Variants in GALNTL6 observed in about 807,000 individuals in gnomAD.
GALNTL6 encodes polypeptide N-acetylgalactosaminyltransferase-like 6.
In GALNTL6, 46 loss-of-function variants were observed where a neutral mutation model predicts 73.7. The ratio of observed to expected loss-of-function variants is 0.62; its 90% CI spans 0.49 to 0.80. The LOEUF (loss-of-function observed/expected upper bound fraction) is 0.80. GALNTL6 is among the 30% of genes least tolerant of loss of function. GALNTL6 has a pLI of 0.00. For synonymous variants in GALNTL6, 259 were observed against 263.7 expected (o/e 0.98, Z 0.17); for missense variants, 604 against 755.0 (o/e 0.80, Z 2.34).
intron 5 of GALNTL6, among the ~76,000 whole-genome samples, chr4:172,769,948 C>A (rs1052918113): frequency 6.6e-6 from 1 of 152,032 alleles, no homozygotes; most frequent in African/African-American, 2.4e-5. Flanking sequence ...AATGTATGCT[C>A]ATAAGATTAT....
chr4:171,952,539 A>AT (rs777685628), intron 2 of GALNTL6, among the ~76,000 whole-genome samples: 1 of 152,062 alleles, frequency 6.6e-6, no homozygotes, highest in African/African-American at 2.4e-5. Context: ...ATCAAGTTCA[A>AT]TTTTTTAGGG....
chr4:172,907,582 T>C (rs779694299), intron 8 of GALNTL6, among the ~76,000 whole-genome samples: 1 of 152,218 alleles, frequency 6.6e-6, no homozygotes, highest in Non-Finnish European at 1.5e-5. Flanking sequence ...ATCCCCCTTA[T>C]CCATGTGGAT....
intron 3 of GALNTL6, among the ~76,000 whole-genome samples, chr4:172,299,340 T>C (rs1348839297): frequency 6.6e-6 from 1 of 152,266 alleles, no homozygotes; most frequent in Non-Finnish European, 1.5e-5. Context: ...ATTGACTTTT[T>C]GAAGGGTTTT....
rs138706641 is a variant in GALNTL6 at position 172,827,813 on chromosome 4, A to C, written c.923+14090A>C. The stretch of plus-strand genomic sequence containing the variant: ...CCAAATGCAACAAGAAAAATAAAGA[A>C]GAAAAATTTTATCAATAATACTTTC... On this transcript the variant is annotated intron_variant, in intron 7 of 12. Coordinates refer to ENST00000506823, the MANE Select transcript of GALNTL6 (RefSeq NM_001034845.3). Among the ~76,000 whole-genome samples the C allele has an allele frequency of 1.4e-4, 21 of 152,320 alleles. No individual in the cohort carries two copies. In the East Asian group the frequency reaches 3.9e-3, roughly 28 times the overall value.
intron 5 of GALNTL6, among the ~76,000 whole-genome samples, chr4:172,638,152 A>G (rs556359546): frequency 2.4e-4 from 37 of 152,228 alleles, no homozygotes; most frequent in Non-Finnish European, 3.1e-4. Flanking sequence ...CATGCACACA[A>G]ATCACATCAC....
chr4:172,563,517 C>G (rs1736452479), intron 5 of GALNTL6, among the ~76,000 whole-genome samples: 1 of 152,298 alleles, frequency 6.6e-6, no homozygotes. Flanking sequence ...TCTATAAAAT[C>G]TTTAAGATTT....
At chr4:172,419,920 AT>A (rs1730994346) in intron 5 of GALNTL6, among the ~76,000 whole-genome samples, 1 of 152,194 alleles carries the variant, frequency 6.6e-6, no homozygotes, top group Non-Finnish European at 1.5e-5. Flanking sequence ...AAGTTTCAGA[AT>A]TTCTTCAAAT....
intron 2 of GALNTL6, among the ~76,000 whole-genome samples, chr4:171,873,532 G>A (rs977989200): frequency 6.6e-6 from 1 of 152,150 alleles, no homozygotes; most frequent in Non-Finnish European, 1.5e-5. Flanking sequence ...TAGTGTGGAA[G>A]GCAAGGGTGT....
At chr4:172,007,318 G>C (rs1296985058) in intron 2 of GALNTL6, among the ~76,000 whole-genome samples, 3 of 151,996 alleles carry the variant, frequency 2.0e-5, no homozygotes, top group African/African-American at 2.4e-5. Context: ...GCTATTAAAA[G>C]CTATGTATGA....
intron 7 of GALNTL6, among the ~76,000 whole-genome samples, chr4:172,864,696 G>C (rs1744573750): frequency 6.6e-6 from 1 of 152,136 alleles, no homozygotes; most frequent in Admixed American, 6.5e-5. Context: ...AAGAAACTTA[G>C]TTTAATCTAT....
At chr4:172,252,653 G>A (rs1029342049) in intron 3 of GALNTL6, among the ~76,000 whole-genome samples, 5 of 152,056 alleles carry the variant, frequency 3.3e-5, no homozygotes, top group African/African-American at 4.8e-5. Flanking sequence ...GTTTAAAATA[G>A]CATGTCATCT....
chr4:172,913,238 A>G (rs1406955691), intron 8 of GALNTL6, among the ~76,000 whole-genome samples: 1 of 152,228 alleles, frequency 6.6e-6, no homozygotes, highest in East Asian at 1.9e-4. Flanking sequence ...TCTGTAGGTC[A>G]CCATCATCAA....
At chr4:171,885,691 A>G (rs1736589455) in intron 2 of GALNTL6, among the ~76,000 whole-genome samples, 2 of 152,046 alleles carry the variant, frequency 1.3e-5, no homozygotes, top group South Asian at 2.1e-4. Context: ...CTGTGTTCCC[A>G]GCTACTGTGG....
intron 5 of GALNTL6, among the ~76,000 whole-genome samples, chr4:172,734,877 G>A (rs2111399918): frequency 6.6e-6 from 1 of 152,344 alleles, no homozygotes; most frequent in African/African-American, 2.4e-5. Context: ...TTCAGAGGGT[G>A]CAATCCCCAA....
At position 172,401,953 on chromosome 4, in the gene GALNTL6, GGAGAGAGA is replaced by G. The variant is rs70944407; in HGVS notation, c.553+53285_553+53292del. Among the ~76,000 whole-genome samples the G allele has an allele frequency of 2.2e-3, 204 of 92,258 alleles. 1 individual carries two copies. Among genetic ancestry groups the G allele is most frequent in the Non-Finnish European group, 3.9e-3 (188 of 48,238 alleles). The allele number at this position is 92,258 out of a possible 152,430, so 60.5% of individuals were successfully genotyped here. A position where few individuals can be genotyped will look rare whatever the true frequency, so the allele number is the denominator to read the frequency against. On this transcript the variant is annotated intron_variant, in intron 5 of 12. Coordinates refer to ENST00000506823, the MANE Select transcript of GALNTL6 (RefSeq NM_001034845.3). ...GGAGAGAGGGGGAAAGGGGGAGGGG[GGAGAGAGA>G]GAGAGAGAGAGAGAGAGAGATCTTT...
At chr4:172,802,786 G>C (rs534316745) in intron 5 of GALNTL6, among the ~76,000 whole-genome samples, 11 of 117,768 alleles carry the variant, frequency 9.3e-5, no homozygotes, top group Admixed American at 8.6e-4. Context: ...GTGAGACTCC[G>C]TCTCAAAAAA....
chr4:172,388,232 G>A (rs1561060153), intron 5 of GALNTL6, among the ~76,000 whole-genome samples: 3 of 152,142 alleles, frequency 2.0e-5, no homozygotes, highest in Non-Finnish European at 4.4e-5. Context: ...TGTGAGTACA[G>A]TAGGAGAGTT....
intron 5 of GALNTL6, among the ~76,000 whole-genome samples, chr4:172,765,012 C>T (rs1222462542): frequency 6.6e-6 from 1 of 152,230 alleles, no homozygotes; most frequent in Non-Finnish European, 1.5e-5. Flanking sequence ...AATAAGCTAT[C>T]ATTCTCTGGA....
chr4:172,386,355 G>A (rs184489000), intron 5 of GALNTL6, among the ~76,000 whole-genome samples: 1 of 152,168 alleles, frequency 6.6e-6, no homozygotes, highest in African/African-American at 2.4e-5. Flanking sequence ...ACTTTCCCTG[G>A]TTTTAAGATG....
Sources: allele counts gnomAD v4.1 joint callset (sites outside exome capture counted in the v4.1 genomes callset), GRCh38; gene constraint gnomAD v4.1.1; transcripts MANE v1.5; gene names NCBI Gene and HGNC (gene_info 2026-07-23, HGNC 2026-07-21).